Variants in ACTN2 observed in about 807,000 individuals in gnomAD.
ACTN2 encodes alpha-actinin-2.
ACTN2 carries 39 observed loss-of-function variants against 113.8 expected under a neutral mutation model. The ratio of observed to expected loss-of-function variants is 0.34; its 90% CI spans 0.27 to 0.45. The LOEUF (loss-of-function observed/expected upper bound fraction) is 0.45. Ranked by LOEUF, ACTN2 falls within the 20% of genes least tolerant of loss-of-function variation. The pLI, the probability that ACTN2 is intolerant of heterozygous loss-of-function variation, is 1.00. For missense variants in ACTN2, 992 were observed against 1,177.9 expected (o/e 0.84, Z 2.31); for synonymous variants, 429 against 444.1 (o/e 0.97, Z 0.43).
intron 5 of ACTN2, among the ~76,000 whole-genome samples, chr1:236,727,451 G>A (rs1658585683): frequency 6.6e-6 from 1 of 152,150 alleles, no homozygotes; most frequent in Non-Finnish European, 1.5e-5. Context: ...ATCAGGGCAG[G>A]AGACAGGGCA....
chr1:236,743,026 A>T lies in ACTN2; in HGVS notation c.1238A>T (p.His413Leu), dbSNP rs763060410. 7 of 1,614,054 alleles carry T rather than the reference A, an allele frequency of 4.3e-6. No individual in the cohort carries two copies. The highest frequency in any genetic ancestry group is 5.1e-6 in the Non-Finnish European group (6 of 1,180,036). ...AAGTTCAGGCAGAAGGCCTCAACGCACGAGACTTGGGCTTATGGTAAGTAG... is the reference window on the plus strand; with the variant it reads ...AAGTTCAGGCAGAAGGCCTCAACGCTCGAGACTTGGGCTTATGGTAAGTAG... ...AEKFRQKAST[H>L]ETWAYGKEQI... Residue 413 changes from histidine (H) to leucine (L), a missense_variant, in exon 11 of 21, where the codon CAC (histidine) becomes CTC (leucine). Physicochemically the swap from His to Leu is moderately conservative, Grantham distance 99. Transcript: ENST00000366578.
At chr1:236,701,259 T>TC (rs1451231979) in intron 1 of ACTN2, among the ~76,000 whole-genome samples, 2 of 152,152 alleles carry the variant, frequency 1.3e-5, no homozygotes, top group South Asian at 4.1e-4. Context: ...ACTTTTTTTT[T>TC]CCCCCAAGTA....
At chr1:236,723,002 C>T (rs892812675) in intron 4 of ACTN2, among the ~76,000 whole-genome samples, 7 of 152,190 alleles carry the variant, frequency 4.6e-5, no homozygotes, top group Admixed American at 6.5e-5. Context: ...AAGCCTTGTT[C>T]GGCATTCATG....
At chr1:236,730,626 T>G (rs1028806981) in intron 6 of ACTN2, among the ~76,000 whole-genome samples, 1 of 152,210 alleles carries the variant, frequency 6.6e-6, no homozygotes, top group Admixed American at 6.5e-5. Context: ...TTTGCTATGT[T>G]ATGTATATTT....
chr1:236,727,811 C>A, intron 6 of ACTN2, 55 bp downstream of exon 6: 2 of 1,557,896 alleles, frequency 1.3e-6, no homozygotes, highest in Non-Finnish European at 1.8e-6. Flanking sequence ...TCAGCATGTC[C>A]TGCAAATGAG....
chr1:236,745,933 G>A (rs956027007), intron 12 of ACTN2, among the ~76,000 whole-genome samples: 2 of 152,092 alleles, frequency 1.3e-5, no homozygotes, highest in African/African-American at 2.4e-5. Context: ...GGAGGCTGAG[G>A]TGGGCTGATC....
chr1:236,707,709 C>CTTTTTTTTTTTTTTTTTTTTTT (rs5781919), intron 1 of ACTN2, among the ~76,000 whole-genome samples: 4 of 78,766 alleles, frequency 5.1e-5, no homozygotes, highest in East Asian at 3.7e-4. Flanking sequence ...TCTTTTTTTT[C>CTTTTTTTTTTTTTTTTTTTTTT]TTTTTTTTTT....
At chr1:236,711,525 T>C (rs1658025449) in intron 1 of ACTN2, among the ~76,000 whole-genome samples, 1 of 152,146 alleles carries the variant, frequency 6.6e-6, no homozygotes, top group South Asian at 2.1e-4. Flanking sequence ...AGTTTTTATA[T>C]TTTTAGTAGA....
chr1:236,711,484 G>A (rs1024289254), intron 1 of ACTN2, among the ~76,000 whole-genome samples: 1 of 152,190 alleles, frequency 6.6e-6, no homozygotes, highest in African/African-American at 2.4e-5. Context: ...GAGTAGCTGA[G>A]ATTACAGGCA....
intron 1 of ACTN2, among the ~76,000 whole-genome samples, chr1:236,705,655 C>T (rs1657802024): frequency 1.3e-5 from 2 of 152,230 alleles, no homozygotes; most frequent in Admixed American, 6.5e-5. Flanking sequence ...GCAGAAGTTT[C>T]CCGTTGGAGC....
At chr1:236,741,213 T>A (rs1004344657) in intron 10 of ACTN2, among the ~76,000 whole-genome samples, 5 of 151,570 alleles carry the variant, frequency 3.3e-5, no homozygotes, top group Non-Finnish European at 5.9e-5. Flanking sequence ...CCTGGCTAAT[T>A]ATTTCTTTGC....
chr1:236,729,002 C>T (rs1558236650), intron 6 of ACTN2, among the ~76,000 whole-genome samples: 1 of 152,062 alleles, frequency 6.6e-6, no homozygotes, highest in Admixed American at 6.5e-5. Context: ...GTGTGTAAGG[C>T]AGTACAGAGC....
At chr1:236,698,719 T>A (rs1170320851) in intron 1 of ACTN2, among the ~76,000 whole-genome samples, 1 of 152,226 alleles carries the variant, frequency 6.6e-6, no homozygotes, top group African/African-American at 2.4e-5. Context: ...AGTGATAATA[T>A]GTGGATTTTT....
chr1:236,717,726 C>T, intron 1 of ACTN2, 132 bp from the exon 2 acceptor site: 2 of 702,264 alleles, frequency 2.8e-6, no homozygotes, highest in African/African-American at 1.8e-5. Flanking sequence ...TCAAATTCTG[C>T]ATCCTCTAGA....
chr1:236,694,136 C>A (rs945586741), intron 1 of ACTN2, among the ~76,000 whole-genome samples: 1 of 152,060 alleles, frequency 6.6e-6, no homozygotes, highest in Admixed American at 6.6e-5. Context: ...CCAACAAGGG[C>A]TATGAGCAGT....
At chr1:236,759,366 G>A in intron 18 of ACTN2, among the ~76,000 whole-genome samples, 1 of 152,156 alleles carries the variant, frequency 6.6e-6, no homozygotes, top group Non-Finnish European at 1.5e-5. Flanking sequence ...AAAAGTCCAA[G>A]GAGTACAATG....
intron 7 of ACTN2, 113 bp downstream of exon 7, chr1:236,731,427 T>C: frequency 5.0e-6 from 4 of 792,360 alleles, no homozygotes; most frequent in Non-Finnish European, 8.7e-6. Flanking sequence ...CGAAGTACTT[T>C]GGATTCCTAA....
At chr1:236,710,212 T>G (rs1270064066) in intron 1 of ACTN2, among the ~76,000 whole-genome samples, 5 of 152,238 alleles carry the variant, frequency 3.3e-5, no homozygotes, top group African/African-American at 1.2e-4. Context: ...CATTTTTCAC[T>G]CATTTTGATT....
At chr1:236,733,008 C>G (rs901318939) in intron 7 of ACTN2, among the ~76,000 whole-genome samples, 1 of 152,144 alleles carries the variant, frequency 6.6e-6, no homozygotes, top group African/African-American at 2.4e-5. Flanking sequence ...GCTATTAATA[C>G]TTGAATGCAT....
Sources: gnomAD v4.1 joint callset for allele counts (sites outside exome capture counted in the v4.1 genomes callset) on GRCh38, gnomAD v4.1.1 for gene constraint, MANE v1.5 for transcripts, NCBI Gene and HGNC (gene_info 2026-07-23, HGNC 2026-07-21) for gene names.